Variants in ZNF341 observed in about 807,000 individuals in gnomAD.
ZNF341 encodes zinc finger protein 341.
In ZNF341, 52 loss-of-function variants were observed where a neutral mutation model predicts 87.7. The ratio of observed to expected loss-of-function variants is 0.59; its 90% CI spans 0.47 to 0.75. ZNF341 has a LOEUF of 0.75. Among genes scored for constraint, ZNF341 ranks in the 30% least tolerant of loss-of-function variants. The probability of loss-of-function intolerance (pLI) is 0.00; values close to 1 mark genes in which losing one functional copy is unlikely to be tolerated. For synonymous variants in ZNF341, 459 were observed against 472.7 expected, an observed-to-expected ratio of 0.97 and a Z score of 0.38; for missense variants, 977 against 1,145.9, an observed-to-expected ratio of 0.85 and a Z score of 2.13.
intron 4 of ZNF341, 135 bp downstream of exon 4, chr20:33,749,207 C>T (rs907114825): frequency 9.4e-6 from 12 of 1,276,100 alleles, no homozygotes; most frequent in Non-Finnish European, 1.3e-5. Flanking sequence ...TCAGCTTTCC[C>T]TTGTCCAGCT....
chr20:33,752,517 C>T, intron 4 of ZNF341: 1 of 475,356 alleles, frequency 2.1e-6, no homozygotes, highest in Non-Finnish European at 4.0e-6. Flanking sequence ...CCTTTTTCTT[C>T]TCGCCACCCT....
Position 33,732,095 on chromosome 20 carries a change from C to G in ZNF341, c.31+43C>G. ...CGGCGGAGGCGGCTGTTCCGCGCTGCGCCCCCTCCCGCCGCGCCCTCGCAG... is the reference window on the plus strand; with the variant it reads ...CGGCGGAGGCGGCTGTTCCGCGCTGGGCCCCCTCCCGCCGCGCCCTCGCAG... On this transcript the variant is annotated intron_variant, in intron 1 of 14. Transcript: ENST00000375200. This position sits in a 1 kb window ranked among gnomAD's most constrained non-coding sequence, Gnocchi z 4.5. The G allele has an allele frequency of 8.4e-7, 1 of 1,188,482 alleles. No homozygotes were observed. 73.6% of individuals were successfully genotyped at this position (1,188,482 alleles called of 1,614,324 possible). A position where few individuals can be genotyped will look rare whatever the true frequency, so the allele number is the denominator to read the frequency against.
chr20:33,745,107 C>G lies in ZNF341; in HGVS notation c.147C>G (p.Asp49Glu). The G allele has an allele frequency of 6.2e-7, 1 of 1,609,248 alleles. No individual in the cohort carries two copies. The highest frequency in any genetic ancestry group is 2.2e-5 in the East Asian group (1 of 44,742). The change falls in exon 3 of 15, where the codon GAC becomes GAG. Residue 49 changes from aspartate to glutamate, a missense_variant. Coordinates refer to ENST00000375200, the MANE Select transcript of ZNF341 (RefSeq NM_001282933.2). Reference sequence around the variant, plus strand: ...ACTCTGCGGGTATGACCCCAGATGACGAGGATGTATTTCTCTGCGGGAAGT... The same window carrying G: ...ACTCTGCGGGTATGACCCCAGATGAGGAGGATGTATTTCTCTGCGGGAAGT... ...NAPPAIQPLD[D>E]EDVFLCGKCK...
At chr20:33,740,218 G>A (rs1406652929) in intron 1 of ZNF341, among the ~76,000 whole-genome samples, 1 of 152,146 alleles carries the variant, frequency 6.6e-6, no homozygotes, top group Non-Finnish European at 1.5e-5. Flanking sequence ...CCAGGATGGT[G>A]GATTGAGTTG....
At chr20:33,749,242 C>T (rs746828395) in intron 4 of ZNF341, among the ~76,000 whole-genome samples, 170 bp downstream of exon 4, 12 of 152,220 alleles carry the variant, frequency 7.9e-5, no homozygotes, top group African/African-American at 1.2e-4. Flanking sequence ...GAAGCTGCTA[C>T]GTCTAGGTGG....
chr20:33,786,027 C>CTTT (rs11478588), intron 12 of ZNF341, among the ~76,000 whole-genome samples: 81 of 68,678 alleles, frequency 1.2e-3, no homozygotes, highest in African/African-American at 1.5e-3. Context: ...ATGTATGAAC[C>CTTT]TTTTTTTTTT....
At chr20:33,748,272 A>G (rs1568937407) in intron 3 of ZNF341, among the ~76,000 whole-genome samples, 1 of 151,186 alleles carries the variant, frequency 6.6e-6, no homozygotes. Context: ...GGGTTTCACC[A>G]CGTTGGCCAG....
intron 5 of ZNF341, among the ~76,000 whole-genome samples, chr20:33,756,650 G>A (rs1174047815): frequency 6.6e-6 from 1 of 152,190 alleles, no homozygotes; most frequent in Non-Finnish European, 1.5e-5. Flanking sequence ...TTACAGGTGT[G>A]AGCCACCAGG....
intron 3 of ZNF341, among the ~76,000 whole-genome samples, chr20:33,747,085 A>G (rs2018942473): frequency 6.6e-6 from 1 of 152,178 alleles, no homozygotes; most frequent in African/African-American, 2.4e-5. Flanking sequence ...TCTGGAGCAA[A>G]GACACCCTGG....
intron 9 of ZNF341, 67 bp from the exon 10 acceptor site, chr20:33,770,017 C>T (rs1305175270): frequency 1.8e-6 from 2 of 1,135,764 alleles, no homozygotes; most frequent in Non-Finnish European, 2.6e-6. Context: ...GCCAATGCCA[C>T]AGGCCAGGGG....
At position 33,732,287 on chromosome 20, in the gene ZNF341, G is replaced by A. The variant is rs1264820144; in HGVS notation, c.31+235G>A. On this transcript the variant is annotated intron_variant, in intron 1 of 14. Transcript: ENST00000375200. This position sits in a 1 kb window ranked among gnomAD's most constrained non-coding sequence, Gnocchi z 4.5. ...GCCAGGCCGGCGGGGAGGGGGCTCG[G>A]GTCCGGAACAGCGCCAGCCTGGGCG... is the stretch of plus-strand genomic sequence containing the variant. Among the ~76,000 whole-genome samples the A allele has an allele frequency of 3.3e-5, 5 of 151,016 alleles. No individual in the cohort carries two copies. The highest frequency in any genetic ancestry group is 4.8e-5 in the African/African-American group (2 of 41,264).
intron 2 of ZNF341, among the ~76,000 whole-genome samples, chr20:33,742,353 T>C (rs1263555931): frequency 2.0e-5 from 3 of 152,052 alleles, no homozygotes; most frequent in African/African-American, 7.2e-5. Context: ...CCCGCCACCA[T>C]GCCCAGCTAA....
intron 9 of ZNF341, among the ~76,000 whole-genome samples, chr20:33,768,461 T>C (rs2019457016): frequency 1.3e-5 from 2 of 149,524 alleles, no homozygotes; most frequent in African/African-American, 5.0e-5. Context: ...TCTCACTCTG[T>C]CACCAGGCTG....
At chr20:33,774,357 A>G (rs574546872) in intron 10 of ZNF341, among the ~76,000 whole-genome samples, 26 of 152,182 alleles carry the variant, frequency 1.7e-4, no homozygotes, top group Non-Finnish European at 3.2e-4. Flanking sequence ...GCAAAAGTCA[A>G]TGTTCAATGC....
chr20:33,748,461 T>C, intron 3 of ZNF341, among the ~76,000 whole-genome samples: 1 of 152,120 alleles, frequency 6.6e-6, no homozygotes, highest in East Asian at 1.9e-4. Flanking sequence ...TTTCATTCCG[T>C]TTTTGTTTGT....
chr20:33,786,898 A>T (rs1204857574), intron 12 of ZNF341, among the ~76,000 whole-genome samples: 1 of 147,510 alleles, frequency 6.8e-6, no homozygotes, highest in Non-Finnish European at 1.5e-5. Flanking sequence ...AACCCAGGAG[A>T]TGGAGGTTGC....
intron 10 of ZNF341, among the ~76,000 whole-genome samples, chr20:33,775,151 C>T (rs921868809): frequency 4.6e-5 from 7 of 151,638 alleles, no homozygotes; most frequent in African/African-American, 7.3e-5. Flanking sequence ...TTCGGAAGTA[C>T]ATCTTTGCTC....
chr20:33,789,985 G>A (rs1272583888), intron 14 of ZNF341, among the ~76,000 whole-genome samples: 1 of 152,140 alleles, frequency 6.6e-6, no homozygotes, highest in Non-Finnish European at 1.5e-5. Context: ...CGCCTCCTCA[G>A]AGCAGCCTGG....
At chr20:33,745,921 G>A (rs1339258797) in intron 3 of ZNF341, among the ~76,000 whole-genome samples, 2 of 151,154 alleles carry the variant, frequency 1.3e-5, no homozygotes, top group Non-Finnish European at 3.0e-5. Flanking sequence ...ATCGTGTAGG[G>A]TCTGGGCCTT....
Sources: allele counts gnomAD v4.1 joint callset (sites outside exome capture counted in the v4.1 genomes callset), GRCh38; gene constraint gnomAD v4.1.1; non-coding constraint Gnocchi (gnomAD v3.1); transcripts MANE v1.5; gene names NCBI Gene and HGNC (gene_info 2026-07-23, HGNC 2026-07-21).